Variants in ZNFX1 observed in about 807,000 individuals in gnomAD.
The protein encoded by ZNFX1 is zinc finger NFX1-type containing 1.
A neutral mutation model predicts 179.8 loss-of-function variants in ZNFX1; 78 were observed. The observed-to-expected ratio is 0.43, with a 90% CI of 0.36 to 0.52. The LOEUF (loss-of-function observed/expected upper bound fraction) is 0.52, where lower values mean the gene tolerates loss of function less well. Ranked by LOEUF, ZNFX1 falls within the 20% of genes least tolerant of loss-of-function variation. The probability of loss-of-function intolerance (pLI) is 0.00; values close to 1 mark genes in which losing one functional copy is unlikely to be tolerated. For synonymous variants in ZNFX1, 848 were observed against 868.5 expected, an observed-to-expected ratio of 0.98 and a Z score of 0.42; for missense variants, 1,927 against 2,386.6, an observed-to-expected ratio of 0.81 and a Z score of 4.01.
chr20:49,254,601 G>A lies in ZNFX1; in HGVS notation c.2853C>T (p.Ser951=), dbSNP rs1455240194. The change falls in exon 10 of 14, where the codon AGC becomes AGT. Residue 951 remains serine (S), a synonymous_variant. Coordinates refer to ENST00000396105, the MANE Select transcript of ZNFX1 (RefSeq NM_021035.3). Reference sequence around the variant, plus strand: ...CTGATGTGCGGTACTGGCGTTCATAGCTGAGGATCTTCCGGCGGGTGTCAG... The same window carrying A: ...CTGATGTGCGGTACTGGCGTTCATAACTGAGGATCTTCCGGCGGGTGTCAG... ...YQADTRRKIL[S]YERQYRTSAE... 2.5e-6 allele frequency: 4 copies of A among 1,614,054 alleles called. No individual in the cohort carries two copies. In the African/African-American group the frequency reaches 4.0e-5, roughly 16 times the overall value.
chr20:49,249,985 T>A (rs238210), intron 13 of ZNFX1, among the ~76,000 whole-genome samples: 101,601 of 152,092 alleles, frequency 0.67, 34,885 homozygotes, highest in Non-Finnish European at 0.76. Context: ...CTGGGTACAG[T>A]GGCTCACGTC....
At chr20:49,272,756 G>C (rs936448682) in intron 2 of ZNFX1, among the ~76,000 whole-genome samples, 2 of 152,190 alleles carry the variant, frequency 1.3e-5, no homozygotes, top group Non-Finnish European at 1.5e-5. Context: ...TCCTTACCAA[G>C]ATGTTTTTGA....
intron 5 of ZNFX1, 97 bp from the exon 6 acceptor site, chr20:49,263,580 T>G: frequency 7.2e-7 from 1 of 1,393,754 alleles, no homozygotes; most frequent in Non-Finnish European, 9.8e-7. Context: ...ACAGGAACAG[T>G]AAGGAGGGAG....
chr20:49,264,579 A>T, intron 5 of ZNFX1, 137 bp downstream of exon 5: 1 of 1,062,954 alleles, frequency 9.4e-7, no homozygotes, highest in Non-Finnish European at 1.4e-6. Context: ...GGCAGAATAG[A>T]ATGCTGAAAG....
intron 8 of ZNFX1, 72 bp downstream of exon 8, chr20:49,257,345 G>A: frequency 6.3e-7 from 1 of 1,586,130 alleles, no homozygotes; most frequent in African/African-American, 1.3e-5. Context: ...TGAATATACT[G>A]TATCAGAAGT....
intron 11 of ZNFX1, 42 bp downstream of exon 11, chr20:49,253,624 C>CA: frequency 1.2e-6 from 2 of 1,611,978 alleles, no homozygotes; most frequent in Non-Finnish European, 1.7e-6. Flanking sequence ...ATCTCACCCC[C>CA]ACGGAGAGCC....
Position 49,256,017 on chromosome 20 carries a change from G to T in ZNFX1, c.2665-70C>A. 4.5e-6 allele frequency: 7 copies of T among 1,563,536 alleles called. No homozygotes were observed. In the Admixed American group the frequency reaches 1.1e-4, roughly 26 times the overall value. ...GGCTTGGTTTTAAGCCCAAGGCAGGGGTCACAGCACGTAAGAAAAAGGGCT... is the reference window on the plus strand; with the variant it reads ...GGCTTGGTTTTAAGCCCAAGGCAGGTGTCACAGCACGTAAGAAAAAGGGCT... On this transcript the variant is annotated intron_variant, in intron 8 of 13. Transcript: ENST00000396105.
intron 7 of ZNFX1, among the ~76,000 whole-genome samples, chr20:49,258,593 G>A (rs977598039): frequency 1.3e-5 from 2 of 152,020 alleles, no homozygotes; most frequent in Non-Finnish European, 2.9e-5. Context: ...ATCACCTGAC[G>A]TCAGGAGTTC....
intron 5 of ZNFX1, 100 bp downstream of exon 5, chr20:49,264,616 G>A (rs959020916): frequency 1.4e-6 from 2 of 1,457,424 alleles, no homozygotes; most frequent in South Asian, 1.3e-5. Context: ...GAGCTTTGAG[G>A]AGCCTCCAAA....
In ZNFX1 at chr20:49,263,364, G is replaced by T. The variant is rs780372660; in HGVS notation, c.2271C>A (p.His757Gln). The T allele has an allele frequency of 5.6e-6, 9 of 1,613,794 alleles. No homozygotes were observed. The highest frequency in any genetic ancestry group is 1.1e-5 in the South Asian group (1 of 91,062). ...CTGGTCCATTCATGAGACTTTCCCAGTGCTGGGGTGAGATGTACTTCTGCA... is the reference window on the plus strand; with the variant it reads ...CTGGTCCATTCATGAGACTTTCCCATTGCTGGGGTGAGATGTACTTCTGCA... The part of the protein sequence containing the change: ...QYLQKYISPQ[H>Q]WESLMNGPVQ... Residue 757 changes from histidine to glutamine, a missense_variant, in exon 6 of 14, where the codon CAC (histidine) becomes CAA (glutamine). By Grantham distance (24) the His-to-Gln change is conservative. Transcript: ENST00000396105.
At position 49,275,658 on chromosome 20, in the gene ZNFX1, T is replaced by C. The variant is rs529005615; in HGVS notation, c.61+121A>G. 1.7e-5 allele frequency: 16 copies of C among 954,364 alleles called. No individual in the cohort carries two copies. The African/African-American group carries it at 2.4e-4, about 15-fold the overall frequency. 59.1% of individuals were successfully genotyped at this position (954,364 alleles called of 1,614,324 possible). A position where few individuals can be genotyped will look rare whatever the true frequency, so the allele number is the denominator to read the frequency against. ...AGGCTTGAGCCACTGCATCCAGCCA[T>C]AGTCATTCTTTACTTGAGAGATGCA... On this transcript the variant is annotated intron_variant, in intron 2 of 13. Coordinates refer to ENST00000396105, the MANE Select transcript of ZNFX1 (RefSeq NM_021035.3).
rs1218788539 is a variant in ZNFX1 at position 49,264,940 on chromosome 20, T to C, written c.2003-76A>G. 4 of 1,600,650 alleles carry C rather than the reference T, an allele frequency of 2.5e-6. No individual in the cohort carries two copies. The East Asian group carries it at 8.9e-5, about 36-fold the overall frequency. ...TCTCTCAGGTGAGAGCTGTGTGTAT[T>C]TGGGATCTAGTCTGGTCCCTTAGAG... On this transcript the variant is annotated intron_variant, in intron 4 of 13. Coordinates refer to ENST00000396105, the MANE Select transcript of ZNFX1 (RefSeq NM_021035.3).
chr20:49,261,314 C>T (rs752437905), intron 6 of ZNFX1, among the ~76,000 whole-genome samples: 14 of 152,044 alleles, frequency 9.2e-5, no homozygotes, highest in Non-Finnish European at 1.6e-4. Flanking sequence ...AACCTAAATG[C>T]GCATCAATGA....
chr20:49,252,075 C>A (rs147644086), intron 12 of ZNFX1, among the ~76,000 whole-genome samples: 1 of 151,850 alleles, frequency 6.6e-6, no homozygotes, highest in Non-Finnish European at 1.5e-5. Context: ...TCAAGGGATC[C>A]GCCCGCCTTG....
intron 6 of ZNFX1, among the ~76,000 whole-genome samples, chr20:49,261,321 A>G (rs760528068): frequency 2.0e-4 from 31 of 152,186 alleles, no homozygotes; most frequent in African/African-American, 3.9e-4. Context: ...ATGCGCATCA[A>G]TGAAGGACTG....
chr20:49,269,832 G>A, intron 3 of ZNFX1, 110 bp downstream of exon 3: 17 of 1,358,054 alleles, frequency 1.3e-5, no homozygotes, highest in Non-Finnish European at 1.6e-5. Flanking sequence ...ATAAAAGTTG[G>A]AAAATAAAAT....
rs754073696 is a variant in ZNFX1, at chr20:49,248,624, C to A, written c.4400G>T (p.Arg1467Leu). Residue 1467 changes from arginine to leucine, a missense_variant, in exon 14 of 14, where the codon CGC (arginine) becomes CTC (leucine). Physicochemically the swap from Arg to Leu is moderately radical, Grantham distance 102 (BLOSUM62 -2). Transcript: ENST00000396105. This position sits in a 1 kb window ranked among gnomAD's most constrained non-coding sequence, Gnocchi z 4.6. The part of the protein sequence containing the change: ...FHERCQQPCK[R>L]LLICSHKCQE... Reference sequence around the variant, plus strand: ...GCACTTGTGTGAGCAGATAAGCAGGCGCTTGCAGGGCTGCTGACAGCGTTC... The same window carrying A: ...GCACTTGTGTGAGCAGATAAGCAGGAGCTTGCAGGGCTGCTGACAGCGTTC... 2 of 1,613,906 alleles carry A rather than the reference C, an allele frequency of 1.2e-6. No homozygotes were observed. The highest frequency in any genetic ancestry group is 1.3e-5 in the African/African-American group (1 of 74,958).
chr20:49,258,082 A>C lies in ZNFX1; in HGVS notation c.2417-418T>G, dbSNP rs563892059. 2.1e-4 allele frequency among the ~76,000 whole-genome samples: 31 copies of C among 148,786 alleles called. 1 individual carries two copies. In the South Asian group the frequency reaches 6.6e-3, roughly 32 times the overall value. On this transcript the variant is annotated intron_variant, in intron 7 of 13. Coordinates refer to ENST00000396105, the MANE Select transcript of ZNFX1 (RefSeq NM_021035.3). ...AAGAGCTCAGATGCATGAAGACATT[A>C]TCAAGGGTTTATGTGATTTTTTTTT...
At chr20:49,268,097 G>T in intron 3 of ZNFX1, among the ~76,000 whole-genome samples, 1 of 151,904 alleles carries the variant, frequency 6.6e-6, no homozygotes, top group Non-Finnish European at 1.5e-5. Context: ...GGATGGTCTT[G>T]ATCTCCTGAC....
Sources: allele counts gnomAD v4.1 joint callset (sites outside exome capture counted in the v4.1 genomes callset), GRCh38; gene constraint gnomAD v4.1.1; non-coding constraint Gnocchi (gnomAD v3.1); transcripts MANE v1.5; gene names NCBI Gene and HGNC (gene_info 2026-07-23, HGNC 2026-07-21).